The following LHX4 variants were observed in gnomAD, a reference collection of about 807,000 sequenced individuals.
LHX4 encodes LIM homeobox 4.
In LHX4, 16 loss-of-function variants were observed where a neutral mutation model predicts 39.2. The observed-to-expected ratio is 0.41, with a 90% CI of 0.28 to 0.62. The LOEUF (loss-of-function observed/expected upper bound fraction) is 0.62. Among genes scored for constraint, LHX4 ranks in the 20% least tolerant of loss-of-function variants. LHX4 has a pLI of 0.33. For synonymous variants in LHX4, 206 were observed against 198.1 expected (o/e 1.04, Z -0.33); for missense variants, 439 against 511.9 (o/e 0.86, Z 1.37).
At chr1:180,271,795 T>C in intron 4 of LHX4, 40 bp from the exon 5 acceptor site, 1 of 1,610,770 alleles carries the variant, frequency 6.2e-7, no homozygotes, top group Non-Finnish European at 8.5e-7. Context: ...GGGTTTGTGG[T>C]GGACGCCCCC....
At position 180,276,689 on chromosome 1, in the gene LHX4, G is replaced by T. The variant is rs1558229375; in HGVS notation, c.*2110G>T. 6.6e-6 allele frequency: 1 copy of T among 152,170 alleles called. No homozygotes were observed. The allele number at this position is 152,170 out of a possible 1,614,324, so 9.4% of individuals were successfully genotyped here. A position where few individuals can be genotyped will look rare whatever the true frequency, so the allele number is the denominator to read the frequency against. ...GCTGCTTAAAATACACAGGAGAAAA[G>T]GCTCTGCTGGGCAATGAACCAGATG... is the stretch of plus-strand genomic sequence containing the variant. On this transcript the variant is annotated 3_prime_UTR_variant, in exon 6 of 6. Coordinates refer to ENST00000263726, the MANE Select transcript of LHX4 (RefSeq NM_033343.4).
intron 2 of LHX4, among the ~76,000 whole-genome samples, chr1:180,261,493 A>T (rs568429981): frequency 2.0e-5 from 3 of 152,286 alleles, no homozygotes; most frequent in African/African-American, 7.2e-5. Flanking sequence ...ACTACAAAAC[A>T]TGTCTTAAAA....
At chr1:180,237,604 C>T (rs1664355678) in intron 1 of LHX4, among the ~76,000 whole-genome samples, 1 of 152,120 alleles carries the variant, frequency 6.6e-6, no homozygotes, top group Non-Finnish European at 1.5e-5. Flanking sequence ...TGAGTCCTAC[C>T]TCCTGCTGTA....
intron 1 of LHX4, among the ~76,000 whole-genome samples, chr1:180,245,511 C>T (rs1333760349): frequency 6.6e-6 from 1 of 152,210 alleles, no homozygotes; most frequent in Non-Finnish European, 1.5e-5. Context: ...GTGAGGCGGC[C>T]ACTCGGCCTC....
At chr1:180,255,431 A>AGTGCTTAAG (rs1214219308) in intron 2 of LHX4, among the ~76,000 whole-genome samples, 4 of 152,280 alleles carry the variant, frequency 2.6e-5, no homozygotes, top group Admixed American at 1.3e-4. Flanking sequence ...GTGCTCTAGC[A>AGTGCTTAAG]GAATGTGCTT....
Position 180,231,243 on chromosome 1 carries a change from C to T in LHX4, c.76+638C>T, listed in dbSNP as rs566331987. 1.4e-4 allele frequency among the ~76,000 whole-genome samples: 22 copies of T among 152,032 alleles called. No individual in the cohort carries two copies. The East Asian group carries it at 4.3e-3, about 30-fold the overall frequency. ...CCTAGGAATGCAGGGGAGGGAGAAG[C>T]GACCGCAAGTTGTGAATTCCGGGTT... On this transcript the variant is annotated intron_variant, in intron 1 of 5. Transcript: ENST00000263726.
Position 180,266,268 on chromosome 1 carries a change from A to T in LHX4, c.249-124A>T. Reference sequence around the variant, plus strand: ...AGGACCAGACGGTAAGCTCTGGGTGACTGGGGGGTGAGGCTCATGGAGTCC... The same window carrying T: ...AGGACCAGACGGTAAGCTCTGGGTGTCTGGGGGGTGAGGCTCATGGAGTCC... On this transcript the variant is annotated intron_variant, in intron 2 of 5. Transcript: ENST00000263726. This position sits in a 1 kb window ranked among gnomAD's most constrained non-coding sequence, Gnocchi z 5.7. The T allele has an allele frequency of 1.1e-6, 1 of 882,222 alleles. No homozygotes were observed. The highest frequency in any genetic ancestry group is 2.5e-5 in the East Asian group (1 of 40,480). The allele number at this position is 882,222 out of a possible 1,614,324, so 54.6% of individuals were successfully genotyped here. A position where few individuals can be genotyped will look rare whatever the true frequency, so the allele number is the denominator to read the frequency against.
chr1:180,231,925 C>G (rs1292329732), intron 1 of LHX4, among the ~76,000 whole-genome samples: 1 of 152,132 alleles, frequency 6.6e-6, no homozygotes, highest in Non-Finnish European at 1.5e-5. Flanking sequence ...TTCATCCAAG[C>G]CTATTTAGAT....
intron 1 of LHX4, among the ~76,000 whole-genome samples, chr1:180,233,522 C>T (rs1490741693): frequency 4.6e-5 from 7 of 152,250 alleles, no homozygotes; most frequent in African/African-American, 7.2e-5. Flanking sequence ...TCCGAGCCGC[C>T]TCCAAAACTC....
rs1649203201 is a variant in LHX4, at chr1:180,278,837, A to AG, written c.*4259dup. 6.7e-6 allele frequency: 1 copy of AG among 149,574 alleles called. No individual in the cohort carries two copies. Among genetic ancestry groups the AG allele is most frequent in the Admixed American group, 6.6e-5 (1 of 15,218 alleles). 9.3% of individuals were successfully genotyped at this position (149,574 alleles called of 1,614,324 possible). On this transcript the variant is annotated 3_prime_UTR_variant, in exon 6 of 6. Coordinates refer to ENST00000263726, the MANE Select transcript of LHX4 (RefSeq NM_033343.4). ...TTTCCTGGGGAAAAAAAAGAAAAAAAGAAAAAAAAAAGACCCACCCATCCT... is the reference window on the plus strand; with the variant it reads ...TTTCCTGGGGAAAAAAAAGAAAAAAAGGAAAAAAAAAAGACCCACCCATCCT...
chr1:180,256,033 C>T (rs576993133), intron 2 of LHX4, among the ~76,000 whole-genome samples: 12 of 152,228 alleles, frequency 7.9e-5, no homozygotes, highest in Middle Eastern at 3.2e-3. Context: ...TGCTGAAGAT[C>T]GGTTTCCTCT....
intron 1 of LHX4, among the ~76,000 whole-genome samples, chr1:180,238,652 T>C (rs748417025): frequency 6.6e-5 from 10 of 152,250 alleles, no homozygotes; most frequent in Non-Finnish European, 1.2e-4. Context: ...TTTTGTGCTT[T>C]AGCTGTGTTA....
rs760897717 is a variant in LHX4 at position 180,274,355 on chromosome 1, A to G, written c.949A>G (p.Ile317Val). 3 of 1,614,044 alleles carry G rather than the reference A, an allele frequency of 1.9e-6. No homozygotes were observed. The highest frequency in any genetic ancestry group is 1.1e-5 in the South Asian group (1 of 91,080). ...PYGIPQSPSSISSLPSHAPLL... is the reference protein window; with the variant it reads ...PYGIPQSPSSVSSLPSHAPLL... ...TGGAATCCCCCAGTCTCCATCCTCC[A>G]TATCGTCCCTGCCATCCCACGCTCC... The change falls in exon 6 of 6, where the codon ATA (isoleucine) becomes GTA (valine). Residue 317 changes from isoleucine to valine, a missense_variant. By Grantham distance (29) the Ile-to-Val change is conservative. Transcript: ENST00000263726.
Position 180,232,624 on chromosome 1 carries a change from C to G in LHX4, c.76+2019C>G, listed in dbSNP as rs1406932132. Among the ~76,000 whole-genome samples, 1 of 152,198 alleles carries G rather than the reference C, an allele frequency of 6.6e-6. No individual in the cohort carries two copies. Among genetic ancestry groups the G allele is most frequent in the Non-Finnish European group, 1.5e-5 (1 of 68,028 alleles). On this transcript the variant is annotated intron_variant, in intron 1 of 5. Transcript: ENST00000263726. This position sits in a 1 kb window ranked among gnomAD's most constrained non-coding sequence, Gnocchi z 5.4. ...TCGTGACCTTGGTTGGAGGAGGCAT[C>G]GGCCAAAATTGAGGGGCCCACTCCC... is the stretch of plus-strand genomic sequence containing the variant.
At chr1:180,247,333 A>G (rs1647425968) in intron 1 of LHX4, among the ~76,000 whole-genome samples, 1 of 152,226 alleles carries the variant, frequency 6.6e-6, no homozygotes, top group Admixed American at 6.5e-5. Context: ...ATTTAAGTGA[A>G]AAGTGATTAC....
At chr1:180,247,164 GAAACAGTCAGTGACTCAAAATACTATC>G (rs1204004988) in intron 1 of LHX4, among the ~76,000 whole-genome samples, 2 of 152,206 alleles carry the variant, frequency 1.3e-5, no homozygotes, top group Admixed American at 6.5e-5. Context: ...TGTAGATGTT[GAAACAGTCAGTGACTCAAAATACTATC>G]AAATTCGCAA....
At chr1:180,228,796 G>A (rs1054883304), upstream of LHX4, among the ~76,000 whole-genome samples, 42 of 152,180 alleles carry the variant, frequency 2.8e-4, no homozygotes, top group African/African-American at 9.7e-4. Context: ...AAGGTGAGCA[G>A]GTGTCCCTTG....
At chr1:180,249,276 G>A (rs1647505488) in intron 2 of LHX4, among the ~76,000 whole-genome samples, 1 of 152,206 alleles carries the variant, frequency 6.6e-6, no homozygotes. Flanking sequence ...CTGGGGTGGG[G>A]TTCATCAAAA....
chr1:180,250,184 A>G (rs1313824425), intron 2 of LHX4, among the ~76,000 whole-genome samples: 1 of 151,952 alleles, frequency 6.6e-6, no homozygotes, highest in Non-Finnish European at 1.5e-5. Context: ...TCTGGCATTC[A>G]TGCAATTCCA....
Sources: allele counts gnomAD v4.1 joint callset (sites outside exome capture counted in the v4.1 genomes callset), GRCh38; gene constraint gnomAD v4.1.1; non-coding constraint Gnocchi (gnomAD v3.1); transcripts MANE v1.5; gene names NCBI Gene and HGNC (gene_info 2026-07-23, HGNC 2026-07-21).